CSMD1: variants seen among roughly 807,000 people sequenced by gnomAD.
CSMD1 encodes CUB and sushi domain-containing protein 1.
In CSMD1, 213 loss-of-function variants were observed where a neutral mutation model predicts 417.5. The ratio of observed to expected loss-of-function variants is 0.51; its 90% confidence interval spans 0.46 to 0.57. The LOEUF is 0.57. CSMD1 is among the 20% of genes least tolerant of loss of function. CSMD1 has a pLI of 0.00. For missense variants in CSMD1, 6,923 were observed against 4,529.7 expected (o/e 1.53, Z -15.17); for synonymous variants, 2,862 against 1,736.8 (o/e 1.65, Z -16.11).
At chr8:4,935,358 G>T (rs535630209) in intron 1 of CSMD1, among the ~76,000 whole-genome samples, 3 of 152,292 alleles carry the variant, frequency 2.0e-5, no homozygotes, top group South Asian at 4.1e-4. Context: ...ACATCGCCCT[G>T]TGTGTATCCT....
chr8:3,665,990 G>C (rs2623620), intron 7 of CSMD1, among the ~76,000 whole-genome samples: 18,490 of 152,170 alleles, frequency 0.12, 1,236 homozygotes, highest in African/African-American at 0.16. Context: ...TGATTTTCCT[G>C]CCTTAGCCTC....
chr8:3,359,438 A>C (rs1004043708), intron 20 of CSMD1, 98 bp from the exon 21 acceptor site: 10 of 938,624 alleles, frequency 1.1e-5, no homozygotes, highest in South Asian at 1.9e-5. Context: ...AAAAAAAAAA[A>C]AAAAACCTAC....
At chr8:3,357,750 T>A (rs1405426055) in intron 21 of CSMD1, among the ~76,000 whole-genome samples, 2 of 152,086 alleles carry the variant, frequency 1.3e-5, no homozygotes, top group Non-Finnish European at 2.9e-5. Flanking sequence ...ACTCCTATGA[T>A]CACCTGCAAA....
At chr8:3,824,748 G>T (rs1201927193) in intron 5 of CSMD1, among the ~76,000 whole-genome samples, 1 of 152,100 alleles carries the variant, frequency 6.6e-6, no homozygotes, top group Non-Finnish European at 1.5e-5. Context: ...AAAATGAGAT[G>T]TGGCTCACAT....
At chr8:4,983,718 G>A (rs1338383434) in intron 1 of CSMD1, among the ~76,000 whole-genome samples, 2 of 151,726 alleles carry the variant, frequency 1.3e-5, no homozygotes, top group Non-Finnish European at 2.9e-5. Flanking sequence ...TGGTAGAGAC[G>A]GGGAAGAACA....
intron 2 of CSMD1, among the ~76,000 whole-genome samples, chr8:4,490,321 T>A (rs571881641): frequency 6.6e-6 from 1 of 152,310 alleles, no homozygotes; most frequent in East Asian, 1.9e-4. Flanking sequence ...ATTACAGGCA[T>A]GAGCCACCAT....
At chr8:4,172,507 A>G (rs1469845539) in intron 3 of CSMD1, among the ~76,000 whole-genome samples, 3 of 152,102 alleles carry the variant, frequency 2.0e-5, no homozygotes, top group African/African-American at 4.8e-5. Flanking sequence ...AAACTGAAGG[A>G]TCAACAATAT....
rs1433180035 is a variant in CSMD1, at chr8:4,040,524, T to A, written c.416-8425A>T. ...CTTTCATATGAAAATGTGGCTAACA[T>A]CAGAAGAGGTGATGATAAAGTGTGA... is the stretch of plus-strand genomic sequence containing the variant. On this transcript the variant is annotated intron_variant, in intron 3 of 69. Coordinates refer to ENST00000635120, the MANE Select transcript of CSMD1 (RefSeq NM_033225.6). Among the ~76,000 whole-genome samples, 5 of 152,156 alleles carry A rather than the reference T, an allele frequency of 3.3e-5. No individual in the cohort carries two copies. The South Asian group carries it at 1.0e-3, about 32-fold the overall frequency.
At chr8:4,396,880 G>A (rs1007322647) in intron 3 of CSMD1, among the ~76,000 whole-genome samples, 2 of 152,096 alleles carry the variant, frequency 1.3e-5, no homozygotes, top group African/African-American at 2.4e-5. Context: ...GGACTAGGGG[G>A]AAAGGGTGGG....
At chr8:4,012,491 G>A (rs1445080119) in intron 4 of CSMD1, among the ~76,000 whole-genome samples, 2 of 152,106 alleles carry the variant, frequency 1.3e-5, no homozygotes, top group Admixed American at 1.3e-4. Flanking sequence ...TAAATCTTGT[G>A]TTTCGAGGTG....
chr8:4,264,879 G>A (rs959746268), intron 3 of CSMD1, among the ~76,000 whole-genome samples: 17 of 152,168 alleles, frequency 1.1e-4, no homozygotes, highest in African/African-American at 4.1e-4. Context: ...TAGGTAGGAC[G>A]ATGAACAGAG....
chr8:3,008,382 C>T (rs1020609179), intron 52 of CSMD1, among the ~76,000 whole-genome samples: 5 of 152,172 alleles, frequency 3.3e-5, no homozygotes, highest in African/African-American at 1.2e-4. Context: ...ACCCTTAGAC[C>T]AGGGGAGGCT....
chr8:3,789,229 C>G (rs1365585000), intron 5 of CSMD1, among the ~76,000 whole-genome samples: 1 of 152,064 alleles, frequency 6.6e-6, no homozygotes, highest in Non-Finnish European at 1.5e-5. Flanking sequence ...TGGGCCCTCA[C>G]CAGACACAAA....
chr8:3,501,826 C>G (rs1216653283), intron 10 of CSMD1, among the ~76,000 whole-genome samples: 1 of 152,084 alleles, frequency 6.6e-6, no homozygotes, highest in Non-Finnish European at 1.5e-5. Context: ...TTGTTTTCAC[C>G]TGAGGTTGTA....
rs73498873 is a variant in CSMD1, at chr8:3,772,848, T to A, written c.819-18806A>T. Among the ~76,000 whole-genome samples, 978 of 152,040 alleles carry A rather than the reference T, an allele frequency of 6.4e-3. 14 individuals carry two copies. Among genetic ancestry groups the A allele is most frequent in the African/African-American group, 0.023 (935 of 41,458 alleles). On this transcript the variant is annotated intron_variant, in intron 5 of 69. Coordinates refer to ENST00000635120, the MANE Select transcript of CSMD1 (RefSeq NM_033225.6). ...CTTACAGCACCTCCCAACCCCCTCC[T>A]CTGCACCACATCCTTAGTGCATTCA... is the stretch of plus-strand genomic sequence containing the variant.
At chr8:4,215,740 T>G (rs1800628051) in intron 3 of CSMD1, among the ~76,000 whole-genome samples, 1 of 152,202 alleles carries the variant, frequency 6.6e-6, no homozygotes, top group African/African-American at 2.4e-5. Context: ...TCATGAGTAA[T>G]ACTTCCTGTC....
intron 1 of CSMD1, among the ~76,000 whole-genome samples, chr8:4,976,212 T>A (rs1584942628): frequency 6.6e-6 from 1 of 152,172 alleles, no homozygotes; most frequent in African/African-American, 2.4e-5. Context: ...ACTCACTGCC[T>A]GGGTGACAAG....
intron 1 of CSMD1, among the ~76,000 whole-genome samples, chr8:4,859,818 T>C (rs1451836005): frequency 1.3e-5 from 2 of 152,094 alleles, no homozygotes; most frequent in Non-Finnish European, 2.9e-5. Context: ...GGTGGGACTG[T>C]AAACTAGTTC....
intron 7 of CSMD1, among the ~76,000 whole-genome samples, chr8:3,706,000 G>A (rs1480810721): frequency 6.6e-6 from 1 of 152,236 alleles, no homozygotes; most frequent in African/African-American, 2.4e-5. Context: ...TCCTACAGAT[G>A]GTAAAGGATT....
Sources: gnomAD v4.1 joint callset for allele counts (sites outside exome capture counted in the v4.1 genomes callset) on GRCh38, gnomAD v4.1.1 for gene constraint, MANE v1.5 for transcripts, NCBI Gene and HGNC (gene_info 2026-07-23, HGNC 2026-07-21) for gene names.